Variants in ZNF248 observed in about 807,000 individuals in gnomAD.
ZNF248 encodes KRAB protein domain.
A neutral mutation model predicts 44.3 loss-of-function variants in ZNF248; 20 were observed. The ratio of observed to expected loss-of-function variants is 0.45; its 90% CI spans 0.32 to 0.66. The LOEUF (loss-of-function observed/expected upper bound fraction) is 0.66, where lower values mean the gene tolerates loss of function less well. Ranked by LOEUF, ZNF248 falls within the 30% of genes least tolerant of loss-of-function variation. The pLI, the probability that ZNF248 is intolerant of heterozygous loss-of-function variation, is 0.04. For synonymous variants in ZNF248, 224 were observed against 229.0 expected, an observed-to-expected ratio of 0.98 and a Z score of 0.20; for missense variants, 654 against 677.0, an observed-to-expected ratio of 0.97 and a Z score of 0.38.
the ZNF248 span, among the ~76,000 whole-genome samples, chr10:37,768,866 G>C: frequency 6.6e-6 from 1 of 152,058 alleles, no homozygotes; most frequent in Admixed American, 6.5e-5. Flanking sequence ...AAAATAGATA[G>C]ACTGCTAGCA....
chr10:37,805,050 T>G (rs2050368165), intron 6 of ZNF248, among the ~76,000 whole-genome samples: 1 of 152,212 alleles, frequency 6.6e-6, no homozygotes, highest in African/African-American at 2.4e-5. Flanking sequence ...TGCACCCACT[T>G]CAACACCTAG....
chr10:37,828,949 A>G lies in ZNF248; in HGVS notation c.*2666T>C. 1.1e-5 allele frequency: 11 copies of G among 985,488 alleles called. No homozygotes were observed. Among genetic ancestry groups the G allele is most frequent in the African/African-American group, 1.7e-5 (1 of 57,376 alleles). 61.0% of individuals were successfully genotyped at this position (985,488 alleles called of 1,614,324 possible). A position where few individuals can be genotyped will look rare whatever the true frequency, so the allele number is the denominator to read the frequency against. ...TTTACTTATGCTAACAGGAAAGCAGAACAAACAGAAACACTTAACTTGCAA... is the reference window on the plus strand; with the variant it reads ...TTTACTTATGCTAACAGGAAAGCAGGACAAACAGAAACACTTAACTTGCAA... On this transcript the variant is annotated 3_prime_UTR_variant, in exon 6 of 6. Coordinates refer to ENST00000395867, the MANE Select transcript of ZNF248 (RefSeq NM_021045.3).
intron 6 of ZNF248, among the ~76,000 whole-genome samples, chr10:37,805,272 A>T (rs2050392746): frequency 6.6e-6 from 1 of 152,200 alleles, no homozygotes; most frequent in African/African-American, 2.4e-5. Flanking sequence ...CTGAGTTGCC[A>T]GTGTAATTCA....
intron 3 of ZNF248, among the ~76,000 whole-genome samples, chr10:37,845,791 T>C (rs1339800942): frequency 6.6e-6 from 1 of 152,154 alleles, no homozygotes; most frequent in African/African-American, 2.4e-5. Context: ...GGTAGTACAA[T>C]GAATAGTTTG....
chr10:37,770,400 A>C, the ZNF248 span, among the ~76,000 whole-genome samples: 1 of 152,262 alleles, frequency 6.6e-6, no homozygotes, highest in Admixed American at 6.5e-5. Flanking sequence ...TAACCAAAAC[A>C]GCATGGTACT....
chr10:37,784,718 G>C (rs931455341), intron 6 of ZNF248, among the ~76,000 whole-genome samples: 1 of 152,134 alleles, frequency 6.6e-6, no homozygotes, highest in African/African-American at 2.4e-5. Flanking sequence ...TCACAGTGTA[G>C]TACACAGTGA....
intron 6 of ZNF248, among the ~76,000 whole-genome samples, chr10:37,812,192 G>A (rs1030426289): frequency 2.1e-4 from 32 of 151,642 alleles, no homozygotes; most frequent in African/African-American, 7.0e-4. Context: ...AGCCATGACC[G>A]CTCCACTGCA....
Position 37,799,680 on chromosome 10 carries a change from C to T in ZNF248, c.331-23105G>A, listed in dbSNP as rs914534536. Among the ~76,000 whole-genome samples, 7 of 152,086 alleles carry T rather than the reference C, an allele frequency of 4.6e-5. No homozygotes were observed. The South Asian group carries it at 1.0e-3, about 23-fold the overall frequency. ...GTAAGAAGGGTGAGACAGGACAAGACGAACCTAATGGAGAATTAATTAAGG... is the reference window on the plus strand; with the variant it reads ...GTAAGAAGGGTGAGACAGGACAAGATGAACCTAATGGAGAATTAATTAAGG... On this transcript the variant is annotated intron_variant, in intron 6 of 6. Coordinates refer to the ZNF248 transcript ENST00000615949.
chr10:37,782,944 C>T (rs1002392625), intron 6 of ZNF248, among the ~76,000 whole-genome samples: 13 of 152,148 alleles, frequency 8.5e-5, no homozygotes, highest in Non-Finnish European at 4.4e-5. Flanking sequence ...CCCCAGGAAA[C>T]TAATACAAAT....
intron 3 of ZNF248, among the ~76,000 whole-genome samples, chr10:37,853,011 G>A (rs748342694): frequency 2.0e-5 from 3 of 151,958 alleles, no homozygotes; most frequent in Admixed American, 6.6e-5. Flanking sequence ...ACAGATGTGC[G>A]CCACCAAACC....
chr10:37,814,054 C>T (rs540504204), intron 6 of ZNF248, among the ~76,000 whole-genome samples: 8 of 152,132 alleles, frequency 5.3e-5, no homozygotes, highest in African/African-American at 1.7e-4. Flanking sequence ...TCTATCATTG[C>T]GCTTTTGTTT....
At chr10:37,764,436 C>T in the ZNF248 span, among the ~76,000 whole-genome samples, 5 of 152,296 alleles carry the variant, frequency 3.3e-5, no homozygotes, top group East Asian at 1.9e-4. Flanking sequence ...CCTGTGATTT[C>T]GCCCTGCCTC....
intron 3 of ZNF248, among the ~76,000 whole-genome samples, chr10:37,852,547 C>G (rs1226282641): frequency 6.6e-6 from 1 of 151,230 alleles, no homozygotes; most frequent in African/African-American, 2.4e-5. Context: ...GAGAGATCTT[C>G]ATGGTAATTC....
chr10:37,789,698 T>C (rs1438467848), intron 6 of ZNF248, among the ~76,000 whole-genome samples: 1 of 152,182 alleles, frequency 6.6e-6, no homozygotes, highest in Non-Finnish European at 1.5e-5. Context: ...TCTCAGAAAA[T>C]ATGAACTCTA....
chr10:37,850,237 T>C (rs2060005077), intron 3 of ZNF248, among the ~76,000 whole-genome samples: 1 of 152,156 alleles, frequency 6.6e-6, no homozygotes, highest in South Asian at 2.1e-4. Flanking sequence ...TTCAACAAGA[T>C]TTAGTAATAC....
At chr10:37,783,647 A>C (rs188422901) in intron 6 of ZNF248, among the ~76,000 whole-genome samples, 2 of 152,356 alleles carry the variant, frequency 1.3e-5, no homozygotes, top group African/African-American at 4.8e-5. Flanking sequence ...ATGGGTTGAC[A>C]TTAGGTGGTG....
At chr10:37,851,883 A>T (rs1412598336) in intron 3 of ZNF248, among the ~76,000 whole-genome samples, 1 of 151,892 alleles carries the variant, frequency 6.6e-6, no homozygotes, top group Middle Eastern at 3.2e-3. Flanking sequence ...GCATGTTCAC[A>T]GCAGTTTTAT....
chr10:37,765,973 C>T, the ZNF248 span, among the ~76,000 whole-genome samples: 1 of 152,264 alleles, frequency 6.6e-6, no homozygotes, highest in African/African-American at 2.4e-5. Context: ...CCACACATGG[C>T]TTGGAGGGTC....
At position 37,831,658 on chromosome 10, in the gene ZNF248, T is replaced by A; in HGVS notation, c.1697A>T (p.His566Leu). 6.2e-7 allele frequency: 1 copy of A among 1,613,920 alleles called. No homozygotes were observed. Among genetic ancestry groups the A allele is most frequent in the Non-Finnish European group, 8.5e-7 (1 of 1,179,860 alleles). The change falls in exon 6 of 6, where the codon CAT becomes CTT. Residue 566 changes from histidine to leucine, a missense_variant. Coordinates refer to ENST00000395867, the MANE Select transcript of ZNF248 (RefSeq NM_021045.3). ...TFSQRSVLTK[H>L]QRIHTRVKAL... ...TTTCACCCTTGTGTGAATTCTCTGA[T>A]GTTTGGTGAGCACTGACCTCTGACT...
Sources: allele counts gnomAD v4.1 joint callset (sites outside exome capture counted in the v4.1 genomes callset), GRCh38; gene constraint gnomAD v4.1.1; transcripts MANE v1.5; gene names NCBI Gene and HGNC (gene_info 2026-07-23, HGNC 2026-07-21).